TCERG1L: variants seen among roughly 807,000 people sequenced by gnomAD.
TCERG1L encodes transcription elongation regulator 1-like protein.
TCERG1L carries 37 observed loss-of-function variants against 56.3 expected under a neutral mutation model. That is an observed-to-expected ratio of 0.66 (90% confidence interval 0.51 to 0.87). The LOEUF (loss-of-function observed/expected upper bound fraction) is 0.87, where lower values mean the gene tolerates loss of function less well. TCERG1L is among the 40% of genes least tolerant of loss of function. The probability of loss-of-function intolerance (pLI) is 0.00; values close to 1 mark genes in which losing one functional copy is unlikely to be tolerated. For missense variants in TCERG1L, 799 were observed against 774.2 expected (o/e 1.03, Z -0.38); for synonymous variants, 324 against 326.3 (o/e 0.99, Z 0.08).
At chr10:131,291,040 T>C (rs1407794872) in intron 3 of TCERG1L, among the ~76,000 whole-genome samples, 1 of 152,224 alleles carries the variant, frequency 6.6e-6, no homozygotes, top group Non-Finnish European at 1.5e-5. Flanking sequence ...TGTTCTGATA[T>C]CTGTGCTAAT....
chr10:131,218,907 G>A (rs113406073), intron 4 of TCERG1L, among the ~76,000 whole-genome samples: 1 of 152,146 alleles, frequency 6.6e-6, no homozygotes, highest in African/African-American at 2.4e-5. Context: ...CCCTGGCAGC[G>A]ACCTCCAACA....
At chr10:131,304,276 C>A (rs1265106401) in intron 3 of TCERG1L, among the ~76,000 whole-genome samples, 4 of 152,008 alleles carry the variant, frequency 2.6e-5, no homozygotes, top group African/African-American at 9.7e-5. Flanking sequence ...GCTTGATATT[C>A]TTGATATAAG....
intron 4 of TCERG1L, among the ~76,000 whole-genome samples, chr10:131,201,907 G>A (rs769692722): frequency 2.0e-5 from 3 of 152,116 alleles, no homozygotes; most frequent in Non-Finnish European, 4.4e-5. Context: ...CCTCAGAGAC[G>A]AGGAAAGAGC....
chr10:131,142,945 C>A (rs115593273), intron 7 of TCERG1L, among the ~76,000 whole-genome samples: 269 of 152,218 alleles, frequency 1.8e-3, no homozygotes, highest in African/African-American at 6.1e-3. Context: ...CACAGGGACC[C>A]TTCAGAGTGG....
At chr10:131,246,012 C>A (rs992389371) in intron 4 of TCERG1L, among the ~76,000 whole-genome samples, 1 of 152,094 alleles carries the variant, frequency 6.6e-6, no homozygotes, top group South Asian at 2.1e-4. Flanking sequence ...CCCCAAGTGT[C>A]GGGTCTTCTG....
In TCERG1L at chr10:131,310,963, G is replaced by A. The variant is rs571491585; in HGVS notation, c.342+331C>T. 2.1e-3 allele frequency among the ~76,000 whole-genome samples: 321 copies of A among 152,324 alleles called. 1 individual carries two copies. The highest frequency in any genetic ancestry group is 7.5e-3 in the African/African-American group (314 of 41,590). On this transcript the variant is annotated intron_variant, in intron 1 of 11. Coordinates refer to ENST00000368642, the MANE Select transcript of TCERG1L (RefSeq NM_174937.4). ...TCAGCCACGGCCCGCGGCGGTCACGGAGCCACTTCAGCACCTCGCGATGGA... is the reference window on the plus strand; with the variant it reads ...TCAGCCACGGCCCGCGGCGGTCACGAAGCCACTTCAGCACCTCGCGATGGA...
intron 5 of TCERG1L, among the ~76,000 whole-genome samples, chr10:131,163,506 C>T (rs1011817103): frequency 6.6e-6 from 1 of 152,158 alleles, no homozygotes; most frequent in Admixed American, 6.5e-5. Context: ...GAGAGGGCAT[C>T]TGAGGTCTGA....
In TCERG1L at chr10:131,251,308, CCCGGCCCCTCCTCCCAGCCCAG is replaced by C. The variant is rs538872589; in HGVS notation, c.856+8929_856+8950del. Among the ~76,000 whole-genome samples, 56 of 152,024 alleles carry C rather than the reference CCCGGCCCCTCCTCCCAGCCCAG, an allele frequency of 3.7e-4. No individual in the cohort carries two copies. The East Asian group carries it at 8.6e-3, about 23-fold the overall frequency. ...CAGTCCTGACTCTCTGCCCCCTCCCCCCGGCCCCTCCTCCCAGCCCAGCTCAGAACAGCCCCTCTCCCTCTGC... is the reference window on the plus strand; with the variant it reads ...CAGTCCTGACTCTCTGCCCCCTCCCCCTCAGAACAGCCCCTCTCCCTCTGC... On this transcript the variant is annotated intron_variant, in intron 4 of 11. Coordinates refer to ENST00000368642, the MANE Select transcript of TCERG1L (RefSeq NM_174937.4).
intron 3 of TCERG1L, among the ~76,000 whole-genome samples, chr10:131,282,255 CT>C (rs1268623674): frequency 1.3e-5 from 2 of 148,862 alleles, no homozygotes; most frequent in Non-Finnish European, 3.0e-5. Context: ...AGACCCCACG[CT>C]TTCAAACGTC....
chr10:131,137,521 G>C (rs982230638), intron 7 of TCERG1L, among the ~76,000 whole-genome samples: 1 of 152,196 alleles, frequency 6.6e-6, no homozygotes, highest in African/African-American at 2.4e-5. Context: ...CCGTGTCCAG[G>C]GGAGGGAGCA....
chr10:131,264,866 C>G (rs1846270086), intron 3 of TCERG1L, among the ~76,000 whole-genome samples: 1 of 152,202 alleles, frequency 6.6e-6, no homozygotes, highest in Non-Finnish European at 1.5e-5. Flanking sequence ...CTGCAGGAGC[C>G]TTTTGTTCAG....
chr10:131,243,307 C>T (rs1028284275), intron 4 of TCERG1L, among the ~76,000 whole-genome samples: 7 of 152,042 alleles, frequency 4.6e-5, no homozygotes, highest in Non-Finnish European at 1.0e-4. Flanking sequence ...CATGGCCAGG[C>T]GTGAGGGCTC....
chr10:131,235,920 G>C (rs1589757237), intron 4 of TCERG1L, among the ~76,000 whole-genome samples: 1 of 152,140 alleles, frequency 6.6e-6, no homozygotes, highest in East Asian at 1.9e-4. Flanking sequence ...TAAAACAATA[G>C]ATAAATCCCT....
chr10:131,168,869 G>A (rs994716178), intron 4 of TCERG1L, among the ~76,000 whole-genome samples: 3 of 152,174 alleles, frequency 2.0e-5, no homozygotes, highest in African/African-American at 7.2e-5. Context: ...CGACCACAGG[G>A]CTCCCATACA....
chr10:131,146,367 A>G (rs1845794212), intron 7 of TCERG1L, 139 bp downstream of exon 7: 3 of 981,758 alleles, frequency 3.1e-6, no homozygotes, highest in African/African-American at 1.6e-5. Context: ...TGATTACTAA[A>G]CTCTGCAATC....
intron 4 of TCERG1L, among the ~76,000 whole-genome samples, chr10:131,243,944 C>T (rs2133524025): frequency 6.6e-6 from 1 of 152,298 alleles, no homozygotes; most frequent in South Asian, 2.1e-4. Flanking sequence ...AGCCATTATT[C>T]AGAAGCTCTC....
chr10:131,201,343 G>A (rs1344903848), intron 4 of TCERG1L, among the ~76,000 whole-genome samples: 4 of 152,142 alleles, frequency 2.6e-5, no homozygotes, highest in Non-Finnish European at 4.4e-5. Context: ...AGAGGGTCAC[G>A]CTGGGAACAG....
intron 3 of TCERG1L, among the ~76,000 whole-genome samples, chr10:131,264,582 C>G (rs1361705221): frequency 1.3e-5 from 2 of 152,202 alleles, no homozygotes; most frequent in Non-Finnish European, 2.9e-5. Context: ...CTTGCTTAGC[C>G]AGGCATGGCA....
At chr10:131,240,896 C>G (rs1211096624) in intron 4 of TCERG1L, among the ~76,000 whole-genome samples, 1 of 152,154 alleles carries the variant, frequency 6.6e-6, no homozygotes, top group African/African-American at 2.4e-5. Flanking sequence ...AGGTCCCCTG[C>G]GAGGGGCTGC....
Sources: gnomAD v4.1 joint callset for allele counts (sites outside exome capture counted in the v4.1 genomes callset) on GRCh38, gnomAD v4.1.1 for gene constraint, MANE v1.5 for transcripts, NCBI Gene and HGNC (gene_info 2026-07-23, HGNC 2026-07-21) for gene names.